The following CAPN14 variants were observed in gnomAD, a reference collection of about 807,000 sequenced individuals.
CAPN14 encodes calpain 14.
In CAPN14, 94 loss-of-function variants were observed where a neutral mutation model predicts 101.3. The observed-to-expected ratio is 0.93, with a 90% CI of 0.79 to 1.10. CAPN14 has a LOEUF of 1.10. Among genes scored for constraint, CAPN14 ranks in the 50% least tolerant of loss-of-function variants. The probability of loss-of-function intolerance (pLI) is 0.00; values close to 1 mark genes in which losing one functional copy is unlikely to be tolerated. For synonymous variants in CAPN14, 338 were observed against 317.9 expected (o/e 1.06, Z -0.67); for missense variants, 837 against 828.4 (o/e 1.01, Z -0.13).
chr2:31,207,007 T>G (rs1682132321), intron 1 of CAPN14, among the ~76,000 whole-genome samples: 1 of 151,976 alleles, frequency 6.6e-6, no homozygotes, highest in Admixed American at 6.6e-5. Context: ...TACAGGGAGA[T>G]TTTATAAGGG....
At chr2:31,188,402 T>G (rs1433067464) in intron 13 of CAPN14, 48 bp from the exon 14 acceptor site, 16 of 1,542,698 alleles carry the variant, frequency 1.0e-5, no homozygotes, top group Admixed American at 2.0e-5. Context: ...TCTTGGGAAT[T>G]TTTTGGCCAA....
intron 7 of CAPN14, among the ~76,000 whole-genome samples, chr2:31,198,993 C>T (rs1408904684): frequency 6.6e-6 from 1 of 152,192 alleles, no homozygotes; most frequent in Non-Finnish European, 1.5e-5. Context: ...GCTTCCTCCT[C>T]ATTTTCAGAT....
intron 21 of CAPN14, 117 bp from the exon 22 acceptor site, chr2:31,174,824 G>A: frequency 1.1e-6 from 1 of 940,612 alleles, no homozygotes. Context: ...GGTTTAGCCA[G>A]AGGGAGCATA....
intron 1 of CAPN14, among the ~76,000 whole-genome samples, chr2:31,214,958 T>G (rs1387481943): frequency 1.5e-5 from 2 of 129,360 alleles, no homozygotes; most frequent in Non-Finnish European, 3.4e-5. Context: ...TTGGCCTGAC[T>G]GTTGGGGGAG....
At chr2:31,212,047 G>C (rs1233562550) in intron 1 of CAPN14, among the ~76,000 whole-genome samples, 2 of 152,166 alleles carry the variant, frequency 1.3e-5, no homozygotes. Flanking sequence ...GCCAGGCACA[G>C]TGGCTCACGT....
At chr2:31,210,773 A>T (rs2148698414) in intron 1 of CAPN14, among the ~76,000 whole-genome samples, 1 of 152,330 alleles carries the variant, frequency 6.6e-6, no homozygotes, top group East Asian at 1.9e-4. Flanking sequence ...TGTGTTTTAT[A>T]CTTTTTTTAC....
At chr2:31,186,531 G>C (rs1680907266) in intron 15 of CAPN14, 46 bp from the exon 16 acceptor site, 3 of 1,435,420 alleles carry the variant, frequency 2.1e-6, no homozygotes, top group Admixed American at 2.0e-5. Flanking sequence ...GTTACTGAAG[G>C]CTCATTAGAT....
chr2:31,212,105 T>C (rs1441353130), intron 1 of CAPN14, among the ~76,000 whole-genome samples: 1 of 151,574 alleles, frequency 6.6e-6, no homozygotes, highest in African/African-American at 2.4e-5. Flanking sequence ...AGGTCAAGAG[T>C]TCAAGACCAG....
chr2:31,211,214 AAAAG>A (rs1408898455), intron 1 of CAPN14, among the ~76,000 whole-genome samples: 1 of 144,288 alleles, frequency 6.9e-6, no homozygotes, highest in East Asian at 2.1e-4. Flanking sequence ...GAAAGAAAGA[AAAAG>A]AAAGAGAGAA....
intron 8 of CAPN14, among the ~76,000 whole-genome samples, chr2:31,195,312 C>A (rs557342403): frequency 6.6e-6 from 1 of 152,180 alleles, no homozygotes; most frequent in Admixed American, 6.5e-5. Context: ...GCATTCCTAC[C>A]GGACAGAGTT....
chr2:31,231,111 C>CT (rs1425940986), intron 1 of CAPN14, among the ~76,000 whole-genome samples: 2 of 152,062 alleles, frequency 1.3e-5, no homozygotes, highest in South Asian at 2.1e-4. Flanking sequence ...CTCTGTTCTC[C>CT]TTTTTCTGCC....
intron 7 of CAPN14, 129 bp from the exon 8 acceptor site, chr2:31,197,463 G>A: frequency 3.2e-6 from 2 of 634,110 alleles, no homozygotes; most frequent in Non-Finnish European, 2.8e-6. Flanking sequence ...GCTGGTAGAG[G>A]AGAAAGTGGC....
intron 21 of CAPN14, 122 bp downstream of exon 21, chr2:31,176,465 C>T (rs932077071): frequency 2.5e-5 from 18 of 713,196 alleles, no homozygotes; most frequent in South Asian, 6.9e-5. Flanking sequence ...GAATGTAGTG[C>T]TCAATTTCCA....
intron 1 of CAPN14, among the ~76,000 whole-genome samples, chr2:31,212,458 C>T (rs770492832): frequency 6.6e-6 from 1 of 152,070 alleles, no homozygotes; most frequent in Non-Finnish European, 1.5e-5. Flanking sequence ...CTGGCATCAT[C>T]ATGATGAACT....
At chr2:31,232,929 G>C (rs1337124130) in intron 1 of CAPN14, among the ~76,000 whole-genome samples, 1 of 152,168 alleles carries the variant, frequency 6.6e-6, no homozygotes, top group Non-Finnish European at 1.5e-5. Flanking sequence ...CCTGGGCAGG[G>C]AGGAGTGTTT....
Position 31,191,943 on chromosome 2 carries a change from G to A in CAPN14, c.1270C>T (p.Leu424=). Residue 424 remains leucine, a synonymous_variant, in exon 11 of 22, where the codon CTG becomes TTG. Coordinates refer to ENST00000403897, the MANE Select transcript of CAPN14 (RefSeq NM_001145122.2). ...TTCAGAGGTCCACCTACCCTATACA[G>A]GTAGAAGCCAATGGCGAGGAGAGGC... ...RKPLLAIGFY[L]YRMNKYHDDQ... 2.6e-6 allele frequency: 4 copies of A among 1,550,492 alleles called. No homozygotes were observed. Among genetic ancestry groups the A allele is most frequent in the Non-Finnish European group, 3.5e-6 (4 of 1,146,348 alleles).
At chr2:31,211,869 A>C (rs1027637795) in intron 1 of CAPN14, among the ~76,000 whole-genome samples, 2 of 152,218 alleles carry the variant, frequency 1.3e-5, no homozygotes, top group Non-Finnish European at 2.9e-5. Context: ...CAATATTTAA[A>C]AAAAAGCAAG....
Position 31,173,834 on chromosome 2 carries a change from G to C in CAPN14, c.*847C>G, listed in dbSNP as rs1351855936. On this transcript the variant is annotated 3_prime_UTR_variant, in exon 22 of 22. Coordinates refer to ENST00000403897, the MANE Select transcript of CAPN14 (RefSeq NM_001145122.2). ...GACATAAACAAGGTGTTTCATGGTA[G>C]TTCAAAAAATCAGATATACCAACCA... 6.6e-6 allele frequency: 1 copy of C among 152,120 alleles called. No homozygotes were observed. Among genetic ancestry groups the C allele is most frequent in the Admixed American group, 6.5e-5 (1 of 15,270 alleles). 9.4% of individuals were successfully genotyped at this position (152,120 alleles called of 1,614,324 possible). A position where few individuals can be genotyped will look rare whatever the true frequency, so the allele number is the denominator to read the frequency against.
chr2:31,206,416 C>A (rs1189157874), intron 1 of CAPN14, among the ~76,000 whole-genome samples: 2 of 152,196 alleles, frequency 1.3e-5, no homozygotes, highest in Non-Finnish European at 2.9e-5. Context: ...CCACACCCAG[C>A]TAATTTTTGT....
Sources: allele counts gnomAD v4.1 joint callset (sites outside exome capture counted in the v4.1 genomes callset), GRCh38; gene constraint gnomAD v4.1.1; transcripts MANE v1.5; gene names NCBI Gene and HGNC (gene_info 2026-07-23, HGNC 2026-07-21).